Variants in ASIC2 observed in about 807,000 individuals in gnomAD.
ASIC2 encodes the protein acid sensing ion channel subunit 2, also known as acid-sensing ion channel 2.
Under a neutral mutation model 57.3 loss-of-function variants are expected in ASIC2, and 25 were observed. The ratio of observed to expected loss-of-function variants is 0.44; its 90% confidence interval spans 0.32 to 0.61. ASIC2 has a LOEUF of 0.61. ASIC2 is among the 20% of genes least tolerant of loss of function. The probability of loss-of-function intolerance (pLI) is 0.06; values close to 1 mark genes in which losing one functional copy is unlikely to be tolerated. For missense variants in ASIC2, 641 were observed against 738.1 expected, an observed-to-expected ratio of 0.87 and a Z score of 1.52; for synonymous variants, 319 against 307.5, an observed-to-expected ratio of 1.04 and a Z score of -0.39.
chr17:33,840,665 A>G (rs1913408148), intron 1 of ASIC2, among the ~76,000 whole-genome samples: 1 of 152,166 alleles, frequency 6.6e-6, no homozygotes, highest in East Asian at 1.9e-4. Flanking sequence ...TTGGGTTTTA[A>G]GTAAGCTTTT....
chr17:33,191,822 C>T (rs1055082299), intron 1 of ASIC2, among the ~76,000 whole-genome samples: 1 of 152,152 alleles, frequency 6.6e-6, no homozygotes, highest in African/African-American at 2.4e-5. Flanking sequence ...AAGACAGAAA[C>T]CAATCCCCCA....
intron 1 of ASIC2, among the ~76,000 whole-genome samples, chr17:34,050,761 C>A (rs1908527072): frequency 6.6e-6 from 1 of 152,120 alleles, no homozygotes; most frequent in African/African-American, 2.4e-5. Context: ...CACTTTAATG[C>A]AGAGCAAAAG....
intron 1 of ASIC2, among the ~76,000 whole-genome samples, chr17:33,314,553 T>C (rs1906564041): frequency 6.6e-6 from 1 of 152,218 alleles, no homozygotes; most frequent in Non-Finnish European, 1.5e-5. Flanking sequence ...TCTGCCCTTC[T>C]GGGGATGGCT....
intron 1 of ASIC2, among the ~76,000 whole-genome samples, chr17:33,914,129 A>T (rs915955548): frequency 6.6e-6 from 1 of 152,202 alleles, no homozygotes; most frequent in Non-Finnish European, 1.5e-5. Flanking sequence ...TGGCCACAAC[A>T]TTGCAAGAAA....
At chr17:33,155,170 G>C (rs1227152993) in intron 1 of ASIC2, among the ~76,000 whole-genome samples, 1 of 152,264 alleles carries the variant, frequency 6.6e-6, no homozygotes. Flanking sequence ...GCATCGAGGA[G>C]CCCAGCGCCC....
chr17:33,116,239 G>A (rs2092280391), intron 1 of ASIC2, among the ~76,000 whole-genome samples: 1 of 152,174 alleles, frequency 6.6e-6, no homozygotes. Flanking sequence ...TTTTTCAGAG[G>A]ATTATTTTCC....
chr17:33,896,437 CAG>C (rs1424488044), intron 1 of ASIC2, among the ~76,000 whole-genome samples: 1 of 152,202 alleles, frequency 6.6e-6, no homozygotes, highest in Non-Finnish European at 1.5e-5. Flanking sequence ...TTTGCATATG[CAG>C]AGAGTCTAGC....
chr17:33,530,755 C>A (rs1015945664), intron 1 of ASIC2, among the ~76,000 whole-genome samples: 1 of 152,206 alleles, frequency 6.6e-6, no homozygotes, highest in African/African-American at 2.4e-5. Flanking sequence ...CATGCAGGAC[C>A]AACCTCACAG....
intron 1 of ASIC2, among the ~76,000 whole-genome samples, chr17:33,901,404 AG>A (rs1349117033): frequency 2.6e-5 from 4 of 152,164 alleles, no homozygotes; most frequent in Admixed American, 6.5e-5. Flanking sequence ...CCAAAGTCTA[AG>A]GTGAGCGGGG....
intron 1 of ASIC2, among the ~76,000 whole-genome samples, chr17:33,332,080 G>A (rs1907335892): frequency 6.6e-6 from 1 of 152,206 alleles, no homozygotes; most frequent in Non-Finnish European, 1.5e-5. Flanking sequence ...TGCTTTACCT[G>A]CAGAGGATTC....
At chr17:33,582,776 C>T (rs928546985) in intron 1 of ASIC2, among the ~76,000 whole-genome samples, 3 of 152,098 alleles carry the variant, frequency 2.0e-5, no homozygotes, top group African/African-American at 7.2e-5. Context: ...CACTCATACA[C>T]CCCCTCATAC....
chr17:34,114,056 CAGGA>C, intron 1 of ASIC2, among the ~76,000 whole-genome samples: 1 of 152,232 alleles, frequency 6.6e-6, no homozygotes, highest in African/African-American at 2.4e-5. Context: ...TCAGAGGAGA[CAGGA>C]AGGATCATCA....
intron 1 of ASIC2, among the ~76,000 whole-genome samples, chr17:33,744,652 T>C (rs975340611): frequency 1.3e-5 from 2 of 152,114 alleles, no homozygotes; most frequent in Admixed American, 6.5e-5. Context: ...AAAATTATGA[T>C]ATATAAAGAA....
At chr17:33,622,721 A>G (rs975151954) in intron 1 of ASIC2, among the ~76,000 whole-genome samples, 1 of 152,234 alleles carries the variant, frequency 6.6e-6, no homozygotes, top group Non-Finnish European at 1.5e-5. Flanking sequence ...AAAAATGTCT[A>G]ATCAGGGCCT....
intron 1 of ASIC2, among the ~76,000 whole-genome samples, chr17:33,581,910 T>G (rs1904454575): frequency 6.6e-6 from 1 of 152,146 alleles, no homozygotes; most frequent in African/African-American, 2.4e-5. Flanking sequence ...TGGCCTTAGC[T>G]TCCCTGACCG....
At chr17:33,018,110 T>C (rs2091816463) in intron 7 of ASIC2, among the ~76,000 whole-genome samples, 1 of 152,180 alleles carries the variant, frequency 6.6e-6, no homozygotes, top group Non-Finnish European at 1.5e-5. Context: ...AATCACGGCA[T>C]GGGCTTCAGG....
At position 33,750,104 on chromosome 17, in the gene ASIC2, C is replaced by T. The variant is rs566214096; in HGVS notation, c.555+405874G>A. On this transcript the variant is annotated intron_variant, in intron 1 of 9. Coordinates refer to the ASIC2 transcript ENST00000359872. ...CATATCTATTCTGTGCCAGCCACTC[C>T]GCTAGGTGTAGGGAATGTTGTTGTG... Among the ~76,000 whole-genome samples the T allele has an allele frequency of 2.0e-4, 31 of 152,270 alleles. No individual in the cohort carries two copies. The South Asian group carries it at 4.4e-3, about 21-fold the overall frequency.
intron 1 of ASIC2, among the ~76,000 whole-genome samples, chr17:33,427,500 T>C (rs1360497074): frequency 6.6e-6 from 1 of 152,242 alleles, no homozygotes; most frequent in African/African-American, 2.4e-5. Flanking sequence ...AAGGGCTTTG[T>C]AAGTGGTAAT....
intron 1 of ASIC2, among the ~76,000 whole-genome samples, chr17:33,561,146 C>T (rs1015953141): frequency 6.6e-6 from 1 of 152,214 alleles, no homozygotes; most frequent in Middle Eastern, 3.4e-3. Context: ...GAATGTTAGG[C>T]CCACTCATTA....
Sources: gnomAD v4.1 joint callset for allele counts (sites outside exome capture counted in the v4.1 genomes callset) on GRCh38, gnomAD v4.1.1 for gene constraint, MANE v1.5 for transcripts, NCBI Gene and HGNC (gene_info 2026-07-23, HGNC 2026-07-21) for gene names.